Variants in SUPT3H observed in about 807,000 individuals in gnomAD.
SUPT3H encodes the protein SPT3 homolog, SAGA and STAGA complex component, also known as transcription initiation protein SPT3 homolog.
Under a neutral mutation model 44.3 loss-of-function variants are expected in SUPT3H, and 44 were observed. That is an observed-to-expected ratio of 0.99 (90% confidence interval 0.78 to 1.28). The LOEUF (loss-of-function observed/expected upper bound fraction) is 1.28. SUPT3H is among the 50% of genes most tolerant of loss of function. The probability of loss-of-function intolerance (pLI) is 0.00; values close to 1 mark genes in which losing one functional copy is unlikely to be tolerated. For missense variants in SUPT3H, 380 were observed against 387.1 expected, an observed-to-expected ratio of 0.98 and a Z score of 0.15; for synonymous variants, 124 against 125.6, an observed-to-expected ratio of 0.99 and a Z score of 0.09.
chr6:45,276,336 T>C (rs1777011460), intron 2 of SUPT3H, among the ~76,000 whole-genome samples: 2 of 152,070 alleles, frequency 1.3e-5, no homozygotes, highest in African/African-American at 4.8e-5. Flanking sequence ...AATTATAATA[T>C]GAAAATAGAA....
At chr6:45,027,573 C>T (rs902327930) in intron 3 of SUPT3H, among the ~76,000 whole-genome samples, 45 of 152,082 alleles carry the variant, frequency 3.0e-4, no homozygotes, top group Middle Eastern at 3.4e-3. Context: ...ACTAACATAC[C>T]GTAGGAACTC....
chr6:45,169,822 T>C (rs1369285144), intron 2 of SUPT3H, among the ~76,000 whole-genome samples: 2 of 152,226 alleles, frequency 1.3e-5, no homozygotes, highest in Non-Finnish European at 2.9e-5. Flanking sequence ...TCAAGGACAA[T>C]AGTCAAAGTA....
intron 6 of SUPT3H, among the ~76,000 whole-genome samples, chr6:44,971,812 G>C (rs536356113): frequency 1.3e-5 from 2 of 151,272 alleles, no homozygotes; most frequent in Non-Finnish European, 2.9e-5. Context: ...TCACTCTGTC[G>C]CCCAGGCTGG....
intron 2 of SUPT3H, among the ~76,000 whole-genome samples, chr6:45,179,208 A>T (rs566239723): frequency 1.3e-5 from 2 of 152,326 alleles, no homozygotes; most frequent in South Asian, 4.1e-4. Context: ...ACAGACCAAT[A>T]ACAGGAGCTG....
At chr6:45,085,255 A>C (rs1018019673) in intron 3 of SUPT3H, among the ~76,000 whole-genome samples, 1 of 152,200 alleles carries the variant, frequency 6.6e-6, no homozygotes, top group Non-Finnish European at 1.5e-5. Flanking sequence ...ACACAGGTTT[A>C]AATATTTAAT....
intron 4 of SUPT3H, among the ~76,000 whole-genome samples, chr6:45,018,200 T>C (rs1373677721): frequency 2.6e-5 from 4 of 152,154 alleles, no homozygotes; most frequent in Non-Finnish European, 4.4e-5. Flanking sequence ...TGATTTTGTA[T>C]CCTGAGATTT....
At chr6:45,371,817 A>G (rs1796112713) in intron 1 of SUPT3H, 1 of 983,844 alleles carries the variant, frequency 1.0e-6, no homozygotes. Context: ...GGAGGGAACC[A>G]AAGACATCTG....
intron 2 of SUPT3H, among the ~76,000 whole-genome samples, chr6:45,335,080 C>T (rs540801440): frequency 7.9e-5 from 12 of 151,164 alleles, no homozygotes; most frequent in Non-Finnish European, 1.3e-4. Context: ...ACAACTCTGG[C>T]TTGAAGCTAA....
chr6:44,829,577 T>C lies in SUPT3H; in HGVS notation c.*239A>G, dbSNP rs1768250790. 2 of 437,290 alleles carry C rather than the reference T, an allele frequency of 4.6e-6. No individual in the cohort carries two copies. The highest frequency in any genetic ancestry group is 8.2e-6 in the Non-Finnish European group (2 of 244,752). 27.1% of individuals were successfully genotyped at this position (437,290 alleles called of 1,614,324 possible). A position where few individuals can be genotyped will look rare whatever the true frequency, so the allele number is the denominator to read the frequency against. Reference sequence around the variant, plus strand: ...CAAAACTGTGTGATCTGCATTCTTGTCCACCTACAGACTATCCTAAACATC... The same window carrying C: ...CAAAACTGTGTGATCTGCATTCTTGCCCACCTACAGACTATCCTAAACATC... On this transcript the variant is annotated 3_prime_UTR_variant, in exon 11 of 11. Coordinates refer to ENST00000371459, the MANE Select transcript of SUPT3H (RefSeq NM_003599.4).
rs191131579 is a variant in SUPT3H, at chr6:44,906,334, A to G, written c.912+26319T>C. On this transcript the variant is annotated intron_variant, in intron 10 of 10. Coordinates refer to ENST00000371459, the MANE Select transcript of SUPT3H (RefSeq NM_003599.4). ...ATGAGTAATTTTTCACCTCCTTTAC[A>G]GAGGAACAATGTTTATTGTTTAAAG... Among the ~76,000 whole-genome samples, 70 of 152,328 alleles carry G rather than the reference A, an allele frequency of 4.6e-4. 1 individual carries two copies. The East Asian group carries it at 0.011, about 25-fold the overall frequency.
chr6:45,309,433 T>A (rs1273780873), intron 2 of SUPT3H, among the ~76,000 whole-genome samples: 4 of 151,502 alleles, frequency 2.6e-5, no homozygotes, highest in Non-Finnish European at 5.9e-5. Context: ...TAAGGACAAG[T>A]TAGTTAAAAA....
chr6:45,309,589 TAGC>T (rs1478670141), intron 2 of SUPT3H, among the ~76,000 whole-genome samples: 1 of 151,888 alleles, frequency 6.6e-6, no homozygotes, highest in African/African-American at 2.4e-5. Flanking sequence ...TTTAAATAAA[TAGC>T]AGAAAATGTC....
At position 44,889,369 on chromosome 6, in the gene SUPT3H, C is replaced by T. The variant is rs983767865; in HGVS notation, c.912+43284G>A. ...TCACGCTACCTGACTTCAAACTATA[C>T]TACAAGGCTACAGTAACCAAAACAG... On this transcript the variant is annotated intron_variant, in intron 10 of 10. Transcript: ENST00000371459. Among the ~76,000 whole-genome samples, 5 of 152,302 alleles carry T rather than the reference C, an allele frequency of 3.3e-5. No individual in the cohort carries two copies. In the South Asian group the frequency reaches 8.3e-4, roughly 25 times the overall value.
chr6:45,046,055 T>C (rs1177233640), intron 3 of SUPT3H, among the ~76,000 whole-genome samples: 4 of 152,226 alleles, frequency 2.6e-5, no homozygotes, highest in Non-Finnish European at 4.4e-5. Flanking sequence ...GTGAAGGTTT[T>C]CTCCTACACA....
chr6:44,897,620 A>C (rs372970258), intron 10 of SUPT3H, among the ~76,000 whole-genome samples: 3 of 152,188 alleles, frequency 2.0e-5, no homozygotes. Context: ...TTCCATTTTT[A>C]GCTCTCTGTA....
At chr6:45,112,865 T>C (rs905961736) in intron 2 of SUPT3H, among the ~76,000 whole-genome samples, 12 of 152,146 alleles carry the variant, frequency 7.9e-5, no homozygotes, top group African/African-American at 2.9e-4. Flanking sequence ...GGATGCTGAG[T>C]TGCTTTCAAT....
intron 3 of SUPT3H, among the ~76,000 whole-genome samples, chr6:45,070,897 A>G (rs1329476004): frequency 6.6e-6 from 1 of 152,198 alleles, no homozygotes; most frequent in Non-Finnish European, 1.5e-5. Flanking sequence ...ACAGGAAACA[A>G]AGCAGATGTA....
intron 2 of SUPT3H, among the ~76,000 whole-genome samples, chr6:45,204,437 A>T (rs550871043): frequency 2.9e-4 from 44 of 152,278 alleles, no homozygotes; most frequent in African/African-American, 9.9e-4. Flanking sequence ...TTCACCAAAT[A>T]CTGGATCTAC....
At chr6:45,099,058 T>G (rs2153567326) in intron 3 of SUPT3H, 1 of 377,996 alleles carries the variant, frequency 2.6e-6, no homozygotes, top group South Asian at 2.1e-5. Flanking sequence ...TACTTCAACC[T>G]GCCCCAACAT....
Sources: allele counts gnomAD v4.1 joint callset (sites outside exome capture counted in the v4.1 genomes callset), GRCh38; gene constraint gnomAD v4.1.1; transcripts MANE v1.5; gene names NCBI Gene and HGNC (gene_info 2026-07-23, HGNC 2026-07-21).